The following ASAH1 variants were observed in gnomAD, a reference collection of about 807,000 sequenced individuals.
ASAH1 encodes the protein acid ceramidase.
Under a neutral mutation model 59.5 loss-of-function variants are expected in ASAH1, and 70 were observed. The ratio of observed to expected loss-of-function variants is 1.18; its 90% CI spans 0.97 to 1.43. ASAH1 has a LOEUF of 1.43. Ranked by LOEUF, ASAH1 falls within the 40% of genes most tolerant of loss-of-function variation. The probability of loss-of-function intolerance (pLI) is 0.00; values close to 1 mark genes in which losing one functional copy is unlikely to be tolerated. For synonymous variants in ASAH1, 213 were observed against 166.5 expected (o/e 1.28, Z -2.15); for missense variants, 660 against 482.5 (o/e 1.37, Z -3.45).
At chr8:18,059,168 C>T in intron 12 of ASAH1, 173 bp downstream of exon 12, 1 of 1,001,362 alleles carries the variant, frequency 1.0e-6, no homozygotes, top group Non-Finnish European at 1.5e-6. Flanking sequence ...AAGTACAGCA[C>T]AATTTTGCTC....
intron 10 of ASAH1, 140 bp from the exon 11 acceptor site, chr8:18,059,843 A>G: frequency 1.3e-6 from 1 of 798,246 alleles, no homozygotes; most frequent in Non-Finnish European, 1.9e-6. Context: ...CACACGTGCC[A>G]TGGTGGTTTG....
rs776390027 is a variant in ASAH1 at position 18,064,536 on chromosome 8, G to A, written c.383-5C>T. Reference sequence around the variant, plus strand: ...TATTGAATGAAATAATCTCTCCTATGAGAAAAGAAAATTTTGTGTTAATAT... The same window carrying A: ...TATTGAATGAAATAATCTCTCCTATAAGAAAAGAAAATTTTGTGTTAATAT... On this transcript the variant is annotated splice_polypyrimidine_tract_variant and splice_region_variant and intron_variant, in intron 5 of 13. Transcript: ENST00000637790. The A allele has an allele frequency of 3.4e-6, 5 of 1,490,304 alleles. No individual in the cohort carries two copies. The highest frequency in any genetic ancestry group is 4.7e-5 in the East Asian group (2 of 42,656). The allele number at this position is 1,490,304 out of a possible 1,614,324, so 92.3% of individuals were successfully genotyped here. A position where few individuals can be genotyped will look rare whatever the true frequency, so the allele number is the denominator to read the frequency against.
rs766395283 is a variant in ASAH1, at chr8:18,071,339, G to A, written c.177C>T (p.Tyr59=). ...WYTINLDLPP[Y]KRWHELMLDK... The stretch of plus-strand genomic sequence containing the variant: ...CAAGCATCAATTCATGCCATCTTTT[G>A]TAGGGTGGTAAGTCAAGATTTATGG... The change falls in exon 3 of 14, where the codon TAC becomes TAT. Residue 59 remains tyrosine, a synonymous_variant. Coordinates refer to ENST00000637790, the MANE Select transcript of ASAH1 (RefSeq NM_177924.5). 4.4e-6 allele frequency: 7 copies of A among 1,605,086 alleles called. No individual in the cohort carries two copies. Among genetic ancestry groups the A allele is most frequent in the Non-Finnish European group, 6.0e-6 (7 of 1,173,846 alleles).
upstream of ASAH1, chr8:18,084,413 C>A: frequency 1.4e-6 from 2 of 1,388,940 alleles, no homozygotes; most frequent in South Asian, 1.5e-5. Context: ...TCACCCGTGG[C>A]GCCTCGATGG....
chr8:18,064,773 G>T (rs948797833), intron 5 of ASAH1: 6 of 459,442 alleles, frequency 1.3e-5, no homozygotes, highest in Non-Finnish European at 2.3e-5. Flanking sequence ...GGTTGCAATT[G>T]TTCTCCAACA....
intron 6 of ASAH1, 117 bp downstream of exon 6, chr8:18,064,340 T>A: frequency 1.2e-6 from 1 of 811,802 alleles, no homozygotes. Flanking sequence ...AAAAGCTGTA[T>A]GCAACATACA....
rs376552739 is a variant in ASAH1 at position 18,057,635 on chromosome 8, G to A, written c.1099-12C>T. On this transcript the variant is annotated splice_polypyrimidine_tract_variant and intron_variant, in intron 13 of 13. Coordinates refer to ENST00000637790, the MANE Select transcript of ASAH1 (RefSeq NM_177924.5). ...GTGTATACGGTCAGCTGAAAGAAAA[G>A]TTATTTTTACTTTAAGGACGTTTTC... 3.2e-6 allele frequency: 5 copies of A among 1,581,858 alleles called. No individual in the cohort carries two copies. Among genetic ancestry groups the A allele is most frequent in the Non-Finnish European group, 2.6e-6 (3 of 1,157,824 alleles).
chr8:18,084,957 A>T (rs915183410), upstream of ASAH1: 33 of 1,080,234 alleles, frequency 3.1e-5, no homozygotes, highest in Non-Finnish European at 4.2e-5. Context: ...ACCGGGTTGG[A>T]TTTCAAAGTC....
At chr8:18,058,971 A>C in intron 12 of ASAH1, 80 bp from the exon 13 acceptor site, 1 of 1,258,446 alleles carries the variant, frequency 7.9e-7, no homozygotes, top group Non-Finnish European at 1.2e-6. Context: ...GGGCCACCAG[A>C]AACCAAGACA....
chr8:18,063,457 C>A (rs1429917495), intron 6 of ASAH1: 2 of 462,226 alleles, frequency 4.3e-6, no homozygotes, highest in African/African-American at 2.1e-5. Context: ...ACATGTGCGA[C>A]CGCACCTGGC....
At chr8:18,067,772 T>C (rs1304512123) in intron 4 of ASAH1, 3 of 152,402 alleles carry the variant, frequency 2.0e-5, no homozygotes, top group Non-Finnish European at 4.4e-5. Flanking sequence ...CCCTGTGTCA[T>C]GGTTAATGGC....
At chr8:18,073,466 C>G (rs1328174072) in intron 2 of ASAH1, among the ~76,000 whole-genome samples, 2 of 152,172 alleles carry the variant, frequency 1.3e-5, no homozygotes, top group East Asian at 1.9e-4. Context: ...ACATGGCTAC[C>G]TAGGTGGCAT....
chr8:18,073,701 C>T (rs559319778), intron 2 of ASAH1, among the ~76,000 whole-genome samples: 12 of 152,298 alleles, frequency 7.9e-5, no homozygotes, highest in Admixed American at 3.9e-4. Flanking sequence ...CCCAAATCTA[C>T]GCACTTAATT....
At chr8:18,060,717 T>C (rs1799659154) in intron 10 of ASAH1, 1 of 152,392 alleles carries the variant, frequency 6.6e-6, no homozygotes, top group African/African-American at 2.4e-5. Context: ...AAGATATAAC[T>C]TACAGGTTAA....
intron 10 of ASAH1, chr8:18,060,760 T>C (rs1799660979): frequency 6.6e-6 from 1 of 152,612 alleles, no homozygotes; most frequent in African/African-American, 2.4e-5. Flanking sequence ...TTTATTTTGT[T>C]TTTTTAAGAC....
Position 18,061,745 on chromosome 8 carries a change from GAA to G in ASAH1, c.649-7_649-6del. On this transcript the variant is annotated splice_polypyrimidine_tract_variant and splice_region_variant and intron_variant, in intron 8 of 13. Transcript: ENST00000637790. Reference sequence around the variant, plus strand: ...CAGTGTAAGACTGAACAGTCCCTGAGAAAAAGACAAAGCAACGAAGTCAGAAA... The same window carrying G: ...CAGTGTAAGACTGAACAGTCCCTGAGAAAGACAAAGCAACGAAGTCAGAAA... 6.4e-7 allele frequency: 1 copy of G among 1,568,504 alleles called. No individual in the cohort carries two copies. Among genetic ancestry groups the G allele is most frequent in the African/African-American group, 1.4e-5 (1 of 73,722 alleles).
Position 18,069,880 on chromosome 8 carries a change from T to G in ASAH1, c.217-2A>C. Reference sequence around the variant, plus strand: ...CAGAGAATTCACTATAACCTTTAGCTGAAAAATAAATAAAATGCTTACTAA... The same window carrying G: ...CAGAGAATTCACTATAACCTTTAGCGGAAAAATAAATAAAATGCTTACTAA... On this transcript the variant is annotated splice_acceptor_variant, in intron 3 of 13. Transcript: ENST00000637790. LOFTEE classifies it high-confidence loss of function. The G allele has an allele frequency of 6.4e-7, 1 of 1,567,444 alleles. No individual in the cohort carries two copies. The highest frequency in any genetic ancestry group is 8.8e-7 in the Non-Finnish European group (1 of 1,142,400).
intron 3 of ASAH1, 108 bp downstream of exon 3, chr8:18,071,192 G>A: frequency 9.3e-6 from 5 of 539,036 alleles, no homozygotes; most frequent in Non-Finnish European, 1.3e-5. Flanking sequence ...GGGTGACAGA[G>A]TGAGACTCTG....
At chr8:18,069,946 C>A in intron 3 of ASAH1, 68 bp from the exon 4 acceptor site, 1 of 1,121,578 alleles carries the variant, frequency 8.9e-7, no homozygotes, top group Non-Finnish European at 1.3e-6. Flanking sequence ...TTTTGGCTTA[C>A]CCATATGTAG....
Sources: allele counts gnomAD v4.1 joint callset (sites outside exome capture counted in the v4.1 genomes callset), GRCh38; gene constraint gnomAD v4.1.1; transcripts MANE v1.5; gene names NCBI Gene and HGNC (gene_info 2026-07-23, HGNC 2026-07-21).